IL5RA: variants seen among roughly 807,000 people sequenced by gnomAD.
IL5RA encodes interleukin 5 receptor subunit alpha.
Under a neutral mutation model 50.0 loss-of-function variants are expected in IL5RA, and 49 were observed. The ratio of observed to expected loss-of-function variants is 0.98; its 90% CI spans 0.78 to 1.24. The LOEUF is 1.24. Ranked by LOEUF, IL5RA falls within the 50% of genes most tolerant of loss-of-function variation. IL5RA has a pLI of 0.00. For synonymous variants in IL5RA, 202 were observed against 174.0 expected (o/e 1.16, Z -1.26); for missense variants, 600 against 500.4 (o/e 1.20, Z -1.90).
rs1350073748 is a variant in IL5RA at position 3,090,094 on chromosome 3, A to G, written c.994+2130T>C. The G allele has an allele frequency of 4.7e-6, 5 of 1,065,246 alleles. No homozygotes were observed. In the Admixed American group the frequency reaches 7.5e-5, roughly 16 times the overall value. The allele number at this position is 1,065,246 out of a possible 1,614,324, so 66.0% of individuals were successfully genotyped here. A position where few individuals can be genotyped will look rare whatever the true frequency, so the allele number is the denominator to read the frequency against. On this transcript the variant is annotated intron_variant, in intron 9 of 11. Transcript: ENST00000446632. Reference sequence around the variant, plus strand: ...TTAAGCCAATTACCTAAACTTTCCAAACAAGTTTTTTGATAGGACTAAGAT... The same window carrying G: ...TTAAGCCAATTACCTAAACTTTCCAGACAAGTTTTTTGATAGGACTAAGAT...
chr3:3,088,797 A>C (rs974213001), intron 9 of IL5RA, among the ~76,000 whole-genome samples: 1 of 152,228 alleles, frequency 6.6e-6, no homozygotes, highest in African/African-American at 2.4e-5. Flanking sequence ...TTGGGAAGAC[A>C]CTTAGAAATA....
intron 2 of IL5RA, among the ~76,000 whole-genome samples, chr3:3,107,531 C>T (rs984649369): frequency 9.9e-5 from 15 of 152,038 alleles, no homozygotes; most frequent in South Asian, 6.2e-4. Flanking sequence ...ACAATATGTT[C>T]GACTCATTCT....
At position 3,098,307 on chromosome 3, in the gene IL5RA, A is replaced by T; in HGVS notation, c.368-17T>A. 6.2e-7 allele frequency: 1 copy of T among 1,610,578 alleles called. No homozygotes were observed. Among genetic ancestry groups the T allele is most frequent in the East Asian group, 2.2e-5 (1 of 44,872 alleles). ...CAGGAGACCCTAGGTAGTCAAAAGT[A>T]AAAAGGACAAAACATTGCCATGGCA... On this transcript the variant is annotated splice_polypyrimidine_tract_variant and intron_variant, in intron 5 of 11. Coordinates refer to ENST00000446632, the MANE Select transcript of IL5RA (RefSeq NM_175726.4).
intron 9 of IL5RA, among the ~76,000 whole-genome samples, chr3:3,078,659 C>A (rs1175663668): frequency 6.6e-6 from 1 of 152,024 alleles, no homozygotes; most frequent in African/African-American, 2.4e-5. Flanking sequence ...CATGGCAAAA[C>A]CCCATCTCTA....
chr3:3,089,409 G>A (rs1046239524), intron 9 of IL5RA, among the ~76,000 whole-genome samples: 2 of 152,222 alleles, frequency 1.3e-5, no homozygotes, highest in African/African-American at 4.8e-5. Context: ...TACCTGCTGT[G>A]TGTCAGATCG....
In IL5RA at chr3:3,102,734, C is replaced by A. The variant is rs757185057; in HGVS notation, c.169G>T (p.Glu57Ter). Residue 57 changes from glutamate to a stop codon, truncating the protein, a stop_gained, in exon 4 of 12, where the codon GAG becomes TAG. Transcript: ENST00000446632. LOFTEE classifies it high-confidence loss of function. ...TATTCTAGATTAACATTCCTTTGCT[C>A]TTGATCAGGATTTGGTTTCCATTGT... ...LLQWKPNPDQ[E>*]QRNVNLEYQV... 6.2e-7 allele frequency: 1 copy of A among 1,609,960 alleles called. No homozygotes were observed. The highest frequency in any genetic ancestry group is 8.5e-7 in the Non-Finnish European group (1 of 1,177,016).
At chr3:3,084,642 TC>T (rs1309898126) in intron 9 of IL5RA, among the ~76,000 whole-genome samples, 1 of 152,170 alleles carries the variant, frequency 6.6e-6, no homozygotes, top group African/African-American at 2.4e-5. Flanking sequence ...TCCTCCAGCC[TC>T]AGTTTCCCTG....
chr3:3,096,278 C>CAA (rs1553752099), intron 7 of IL5RA, among the ~76,000 whole-genome samples: 3 of 108,472 alleles, frequency 2.8e-5, no homozygotes, highest in Non-Finnish European at 3.7e-5. Context: ...AAATCTGTCT[C>CAA]AAAAAAAAAA....
In IL5RA at chr3:3,109,414, C is replaced by T. The variant is rs1385040660; in HGVS notation, c.-146+531G>A. Among the ~76,000 whole-genome samples the T allele has an allele frequency of 2.6e-5, 4 of 152,146 alleles. No homozygotes were observed. In the East Asian group the frequency reaches 7.7e-4, roughly 29 times the overall value. ...GATTTCTTGCTTAACTCTGAAACTT[C>T]CTGAGATATTTTATTAAACCCTATA... On this transcript the variant is annotated intron_variant, in intron 1 of 11. Transcript: ENST00000446632.
At chr3:3,071,438 G>A (rs1702292516) in intron 11 of IL5RA, among the ~76,000 whole-genome samples, 1 of 152,188 alleles carries the variant, frequency 6.6e-6, no homozygotes, top group African/African-American at 2.4e-5. Flanking sequence ...AGCCTGGTGA[G>A]ATCTTGTCTC....
chr3:3,097,728 T>C, intron 7 of IL5RA, 142 bp downstream of exon 7: 1 of 847,010 alleles, frequency 1.2e-6, no homozygotes, highest in Non-Finnish European at 1.8e-6. Flanking sequence ...TGGAGAACCT[T>C]GCCCCAGTGG....
intron 3 of IL5RA, among the ~76,000 whole-genome samples, chr3:3,103,622 A>G (rs1703761287): frequency 6.6e-6 from 1 of 152,228 alleles, no homozygotes; most frequent in African/African-American, 2.4e-5. Context: ...CCCCTGCATG[A>G]GCCATTCTCT....
In IL5RA at chr3:3,092,116, G is replaced by C. The variant is rs2125972386; in HGVS notation, c.994+108C>G. On this transcript the variant is annotated intron_variant, in intron 9 of 11. Transcript: ENST00000446632. This position sits in a 1 kb window ranked among gnomAD's most constrained non-coding sequence, Gnocchi z 4.2. Reference sequence around the variant, plus strand: ...GACCGAGAGAAAATTAGTCACAATAGAGATATGAAACCATTTTAAGACCCA... The same window carrying C: ...GACCGAGAGAAAATTAGTCACAATACAGATATGAAACCATTTTAAGACCCA... 6.7e-7 allele frequency: 1 copy of C among 1,502,180 alleles called. No homozygotes were observed. Among genetic ancestry groups the C allele is most frequent in the African/African-American group, 1.4e-5 (1 of 71,794 alleles). The allele number at this position is 1,502,180 out of a possible 1,614,324, so 93.1% of individuals were successfully genotyped here. A position where few individuals can be genotyped will look rare whatever the true frequency, so the allele number is the denominator to read the frequency against.
intron 1 of IL5RA, among the ~76,000 whole-genome samples, chr3:3,109,730 A>T (rs1342249963): frequency 6.6e-6 from 1 of 152,144 alleles, no homozygotes; most frequent in Non-Finnish European, 1.5e-5. Context: ...ATAATAATAG[A>T]ATTATAAGGA....
intron 9 of IL5RA, among the ~76,000 whole-genome samples, chr3:3,080,560 C>T (rs919256983): frequency 3.3e-5 from 5 of 152,156 alleles, no homozygotes; most frequent in Non-Finnish European, 5.9e-5. Context: ...TTGTTTGTAT[C>T]CCCGTTTCTG....
chr3:3,078,974 T>A (rs1478161765), intron 9 of IL5RA, among the ~76,000 whole-genome samples: 2 of 152,228 alleles, frequency 1.3e-5, no homozygotes, highest in African/African-American at 4.8e-5. Context: ...TTATTTTTAC[T>A]GACCTCCTTC....
Position 3,092,976 on chromosome 3 carries a change from T to C in IL5RA, c.856-614A>G, listed in dbSNP as rs1156857392. Reference sequence around the variant, plus strand: ...GACCTTTGCAGTAGCCGCTAACTGATATCATATGTCCATGTCGCCCCTCCC... The same window carrying C: ...GACCTTTGCAGTAGCCGCTAACTGACATCATATGTCCATGTCGCCCCTCCC... On this transcript the variant is annotated intron_variant, in intron 8 of 11. Transcript: ENST00000446632. The surrounding 1 kb of genome is among the most constrained non-coding windows in gnomAD (Gnocchi z 4.2). 6.6e-6 allele frequency among the ~76,000 whole-genome samples: 1 copy of C among 152,122 alleles called. No homozygotes were observed. Among genetic ancestry groups the C allele is most frequent in the Non-Finnish European group, 1.5e-5 (1 of 68,012 alleles).
chr3:3,082,717 A>G (rs1377681953), intron 9 of IL5RA, among the ~76,000 whole-genome samples: 1 of 152,226 alleles, frequency 6.6e-6, no homozygotes, highest in East Asian at 1.9e-4. Context: ...GACCCAAACT[A>G]GTCCCAGCTC....
chr3:3,092,320 C>G lies in IL5RA; in HGVS notation c.898G>C (p.Asp300His). 6.2e-7 allele frequency: 1 copy of G among 1,613,878 alleles called. No homozygotes were observed. The highest frequency in any genetic ancestry group is 8.5e-7 in the Non-Finnish European group (1 of 1,179,922). ...ACTTGAACATCGTACTTAGAAAGAT[C>G]ATCAATTATTGAGATGAATGCATTG... The part of the protein sequence containing the change: ...MTNAFISIID[D>H]LSKYDVQVRA... The change falls in exon 9 of 12, where the codon GAT becomes CAT. Residue 300 changes from aspartate to histidine, a missense_variant. Asp to His is a moderately conservative substitution (Grantham distance 81, BLOSUM62 -1). Coordinates refer to ENST00000446632, the MANE Select transcript of IL5RA (RefSeq NM_175726.4). The surrounding 1 kb of genome is among the most constrained non-coding windows in gnomAD (Gnocchi z 4.2).
Sources: allele counts gnomAD v4.1 joint callset (sites outside exome capture counted in the v4.1 genomes callset), GRCh38; gene constraint gnomAD v4.1.1; non-coding constraint Gnocchi (gnomAD v3.1); transcripts MANE v1.5; gene names NCBI Gene and HGNC (gene_info 2026-07-23, HGNC 2026-07-21).